The following HDAC4 variants were observed in gnomAD, a reference collection of about 807,000 sequenced individuals.
HDAC4 encodes histone deacetylase A.
A neutral mutation model predicts 135.1 loss-of-function variants in HDAC4; 16 were observed. The ratio of observed to expected loss-of-function variants is 0.12; its 90% CI spans 0.08 to 0.18. HDAC4 has a LOEUF of 0.18. Ranked by LOEUF, HDAC4 falls within the 10% of genes least tolerant of loss-of-function variation. The probability of loss-of-function intolerance (pLI) is 1.00; values close to 1 mark genes in which losing one functional copy is unlikely to be tolerated. For synonymous variants in HDAC4, 685 were observed against 653.4 expected (o/e 1.05, Z -0.74); for missense variants, 1,143 against 1,511.8 (o/e 0.76, Z 4.05).
At chr2:239,151,598 T>C (rs2042124256) in intron 7 of HDAC4, among the ~76,000 whole-genome samples, 2 of 152,206 alleles carry the variant, frequency 1.3e-5, no homozygotes, top group African/African-American at 4.8e-5. Flanking sequence ...TTTGACTGAC[T>C]GCCCAGATCC....
chr2:239,057,255 T>C (rs2031997066), intron 24 of HDAC4, among the ~76,000 whole-genome samples: 1 of 152,246 alleles, frequency 6.6e-6, no homozygotes, highest in Non-Finnish European at 1.5e-5. Flanking sequence ...TATTAACTTT[T>C]AATAAGTTTT....
chr2:239,134,338 G>A lies in HDAC4; in HGVS notation c.1201C>T (p.Pro401Ser), dbSNP rs751717831. The change falls in exon 11 of 27, where the codon CCC (proline) becomes TCC (serine). Residue 401 changes from proline to serine, a missense_variant. Pro to Ser is a moderately conservative substitution (Grantham distance 74, BLOSUM62 -1). This residue lies in a region of HDAC4 where 272 missense variants were observed against 309.7 expected (regional missense o/e 0.88). Transcript: ENST00000543185. ...GCTGCCCCTCCGTCCCGCTCCAAGG[G>A]CGAGGTGCTCAGGTAGGGAGTGAGG... is the stretch of plus-strand genomic sequence containing the variant. ...THLTPYLSTS[P>S]LERDGGAAHS... 6.2e-7 allele frequency: 1 copy of A among 1,613,984 alleles called. No homozygotes were observed. Among genetic ancestry groups the A allele is most frequent in the South Asian group, 1.1e-5 (1 of 91,068 alleles).
At chr2:239,390,188 G>A (rs1108519) in intron 1 of HDAC4, among the ~76,000 whole-genome samples, 60,552 of 151,990 alleles carry the variant, frequency 0.4, 14,188 homozygotes, top group East Asian at 0.83. Context: ...AGTACCTAGC[G>A]AGATCCTATC....
chr2:239,140,495 G>A (rs2041287476), intron 8 of HDAC4, among the ~76,000 whole-genome samples: 1 of 152,184 alleles, frequency 6.6e-6, no homozygotes, highest in African/African-American at 2.4e-5. Flanking sequence ...TCCACCGTGG[G>A]AGGCCGCTGA....
chr2:239,375,864 C>T (rs77979071), intron 1 of HDAC4, among the ~76,000 whole-genome samples: 2,263 of 152,292 alleles, frequency 0.015, 27 homozygotes, highest in Middle Eastern at 0.034. Flanking sequence ...GGCCTCTTGC[C>T]GGCCCTTATG....
chr2:239,143,946 G>A (rs1181773609), intron 8 of HDAC4, among the ~76,000 whole-genome samples: 1 of 152,226 alleles, frequency 6.6e-6, no homozygotes, highest in African/African-American at 2.4e-5. Context: ...GGTGAGGGGT[G>A]TACCCTGGTG....
intron 1 of HDAC4, among the ~76,000 whole-genome samples, chr2:239,389,410 G>A (rs571859480): frequency 6.6e-6 from 1 of 152,254 alleles, no homozygotes; most frequent in African/African-American, 2.4e-5. Flanking sequence ...GCAAGACCAC[G>A]AACCTGCTGG....
At chr2:239,145,231 T>G (rs1051420382) in intron 7 of HDAC4, among the ~76,000 whole-genome samples, 1 of 152,228 alleles carries the variant, frequency 6.6e-6, no homozygotes, top group African/African-American at 2.4e-5. Flanking sequence ...TGCTCGCCCA[T>G]GCATCGCCCC....
chr2:239,176,490 C>G lies in HDAC4; in HGVS notation c.413G>C (p.Arg138Pro). ...CTGCTTCTCCAGCTCCTGCTCCTGG[C>G]GGTGCCTCTCCAGCTTCCGCTGGTG... is the stretch of plus-strand genomic sequence containing the variant. Reference protein sequence around the residue: ...LEHQRKLERHRQEQELEKQHR... With the variant: ...LEHQRKLERHPQEQELEKQHR... Residue 138 changes from arginine to proline, a missense_variant, in exon 5 of 27, where the codon CGC becomes CCC. Arg to Pro is a moderately radical substitution (Grantham distance 103). This residue lies in a region of HDAC4 where 247 missense variants were observed against 310.0 expected (regional missense o/e 0.80). Coordinates refer to ENST00000543185, the MANE Select transcript of HDAC4 (RefSeq NM_001378414.1). 3 of 1,613,496 alleles carry G rather than the reference C, an allele frequency of 1.9e-6. No homozygotes were observed. The highest frequency in any genetic ancestry group is 2.5e-6 in the Non-Finnish European group (3 of 1,179,826).
intron 5 of HDAC4, among the ~76,000 whole-genome samples, chr2:239,174,161 TA>T (rs2043613409): frequency 6.6e-6 from 1 of 152,134 alleles, no homozygotes; most frequent in South Asian, 2.1e-4. Context: ...CAAAATCATC[TA>T]AAGGAAAAGA....
Position 239,131,647 on chromosome 2 carries a change from G to A in HDAC4, c.1294+2598C>T, listed in dbSNP as rs147637179. On this transcript the variant is annotated intron_variant, in intron 11 of 26. Transcript: ENST00000543185. Reference sequence around the variant, plus strand: ...AGCCGGCTGGCCTGGCTGCTGTACCGGACTAGGGAAGAGAAACGAGGCTTC... The same window carrying A: ...AGCCGGCTGGCCTGGCTGCTGTACCAGACTAGGGAAGAGAAACGAGGCTTC... Among the ~76,000 whole-genome samples the A allele has an allele frequency of 1.2e-3, 183 of 152,256 alleles. 2 individuals carry two copies. The highest frequency in any genetic ancestry group is 4.3e-3 in the African/African-American group (177 of 41,538).
intron 1 of HDAC4, among the ~76,000 whole-genome samples, chr2:239,375,424 C>G (rs910520352): frequency 1.3e-5 from 2 of 152,070 alleles, no homozygotes; most frequent in Non-Finnish European, 2.9e-5. Context: ...TGGTGGCCCA[C>G]GGCCAGCCCA....
intron 5 of HDAC4, among the ~76,000 whole-genome samples, chr2:239,166,611 A>T (rs1023423238): frequency 6.6e-6 from 1 of 152,228 alleles, no homozygotes; most frequent in African/African-American, 2.4e-5. Context: ...TCACACACTT[A>T]TGGAAACCAT....
At chr2:239,277,774 C>T (rs1055498512) in intron 2 of HDAC4, among the ~76,000 whole-genome samples, 3 of 152,212 alleles carry the variant, frequency 2.0e-5, no homozygotes, top group Admixed American at 6.5e-5. Flanking sequence ...AAAACACCTG[C>T]GTTCCACAGC....
chr2:239,316,711 T>C (rs1010826952), intron 2 of HDAC4, among the ~76,000 whole-genome samples: 6 of 151,718 alleles, frequency 4.0e-5, no homozygotes, highest in Non-Finnish European at 1.5e-5. Flanking sequence ...GGAAGAGGAG[T>C]TCCCTGTAGG....
chr2:239,112,741 A>C (rs1014498134), intron 13 of HDAC4, among the ~76,000 whole-genome samples: 1 of 152,224 alleles, frequency 6.6e-6, no homozygotes, highest in Non-Finnish European at 1.5e-5. Flanking sequence ...AGGCCGAGGC[A>C]CAAAGAAAGC....
intron 1 of HDAC4, among the ~76,000 whole-genome samples, chr2:239,360,601 C>A (rs1693796966): frequency 6.6e-6 from 1 of 152,224 alleles, no homozygotes; most frequent in Admixed American, 6.5e-5. Context: ...CCCCCGGACT[C>A]TGGCTTGGAA....
intron 1 of HDAC4, among the ~76,000 whole-genome samples, chr2:239,369,703 G>A (rs956599314): frequency 1.3e-5 from 2 of 152,150 alleles, no homozygotes; most frequent in Admixed American, 6.5e-5. Flanking sequence ...TCAACACAGC[G>A]CCTCGGAAGC....
intron 24 of HDAC4, among the ~76,000 whole-genome samples, chr2:239,063,155 C>T (rs2033006528): frequency 6.6e-6 from 1 of 152,016 alleles, no homozygotes; most frequent in Non-Finnish European, 1.5e-5. Context: ...GTCATGGAAC[C>T]GTTCCCATCC....
Sources: gnomAD v4.1 joint callset for allele counts (sites outside exome capture counted in the v4.1 genomes callset) on GRCh38, gnomAD v4.1.1 for gene constraint, gnomAD v4.1.1 regional missense constraint, MANE v1.5 for transcripts, NCBI Gene and HGNC (gene_info 2026-07-23, HGNC 2026-07-21) for gene names.